CALN1: variants seen among roughly 807,000 people sequenced by gnomAD.
The protein encoded by CALN1 is calcium-binding protein 8.
CALN1 carries 17 observed loss-of-function variants against 30.6 expected under a neutral mutation model. The ratio of observed to expected loss-of-function variants is 0.56; its 90% CI spans 0.38 to 0.83. The LOEUF (loss-of-function observed/expected upper bound fraction) is 0.83. Among genes scored for constraint, CALN1 ranks in the 40% least tolerant of loss-of-function variants. CALN1 has a pLI of 0.00. For missense variants in CALN1, 291 were observed against 354.9 expected, an observed-to-expected ratio of 0.82 and a Z score of 1.45; for synonymous variants, 156 against 131.4, an observed-to-expected ratio of 1.19 and a Z score of -1.28.
intron 5 of CALN1, among the ~76,000 whole-genome samples, chr7:71,964,178 T>C (rs1797411202): frequency 6.6e-6 from 1 of 152,184 alleles, no homozygotes; most frequent in South Asian, 2.1e-4. Flanking sequence ...TGTTCCTTTA[T>C]CCCCCGTCAC....
intron 3 of CALN1, among the ~76,000 whole-genome samples, chr7:72,210,106 G>C (rs1032571877): frequency 6.6e-6 from 1 of 151,970 alleles, no homozygotes. Flanking sequence ...TATGAAGAAG[G>C]ACAACTGCAG....
chr7:72,077,170 G>A (rs1432983666), intron 4 of CALN1, among the ~76,000 whole-genome samples: 4 of 152,152 alleles, frequency 2.6e-5, no homozygotes, highest in Admixed American at 1.3e-4. Context: ...GACTCCATAC[G>A]TATTTGCAAA....
chr7:72,172,612 A>AT (rs1363541827), intron 3 of CALN1, among the ~76,000 whole-genome samples: 1 of 152,250 alleles, frequency 6.6e-6, no homozygotes, highest in Non-Finnish European at 1.5e-5. Flanking sequence ...AGTAGGGTTT[A>AT]TTCCAGGAAT....
intron 2 of CALN1, among the ~76,000 whole-genome samples, chr7:72,357,979 G>T (rs186510153): frequency 0.027 from 4,042 of 150,588 alleles, 112 homozygotes; most frequent in Non-Finnish European, 0.033. Context: ...TAATTTTTTT[G>T]TATTTTTAGT....
At chr7:72,398,873 C>A (rs1343166253) in intron 2 of CALN1, among the ~76,000 whole-genome samples, 1 of 152,226 alleles carries the variant, frequency 6.6e-6, no homozygotes, top group Non-Finnish European at 1.5e-5. Flanking sequence ...TCACACCCAA[C>A]CCTTCCATTA....
At chr7:71,910,916 G>T (rs2116999903) in intron 5 of CALN1, among the ~76,000 whole-genome samples, 1 of 152,212 alleles carries the variant, frequency 6.6e-6, no homozygotes, top group Non-Finnish European at 1.5e-5. Flanking sequence ...GAAAGCAAAA[G>T]CCAAAAAGAA....
At chr7:72,096,821 A>G (rs1806268214) in intron 4 of CALN1, among the ~76,000 whole-genome samples, 1 of 152,232 alleles carries the variant, frequency 6.6e-6, no homozygotes, top group African/African-American at 2.4e-5. Flanking sequence ...ATATACCCAA[A>G]GGATTATAAA....
At chr7:71,984,044 T>C (rs911113669) in intron 5 of CALN1, among the ~76,000 whole-genome samples, 1 of 152,174 alleles carries the variant, frequency 6.6e-6, no homozygotes, top group Non-Finnish European at 1.5e-5. Flanking sequence ...ATCTAAAAAA[T>C]ATATATAAAC....
intron 4 of CALN1, 129 bp downstream of exon 4, chr7:72,106,022 C>A: frequency 7.8e-7 from 1 of 1,282,670 alleles, no homozygotes; most frequent in Non-Finnish European, 1.1e-6. Flanking sequence ...CTGTTCTAGT[C>A]CAAGTTTCTG....
chr7:72,040,599 G>A (rs1203860357), intron 4 of CALN1, among the ~76,000 whole-genome samples: 1 of 152,244 alleles, frequency 6.6e-6, no homozygotes, highest in Admixed American at 6.5e-5. Flanking sequence ...TGGAGACAAG[G>A]CCTTTAAGGA....
At chr7:72,054,436 T>TATATATATAC (rs1803063348) in intron 4 of CALN1, among the ~76,000 whole-genome samples, 2 of 6,896 alleles carry the variant, frequency 2.9e-4, no homozygotes. Flanking sequence ...TATACACGTA[T>TATATATATAC]ATATATATAT....
chr7:72,166,953 A>G (rs1039245925), intron 3 of CALN1, among the ~76,000 whole-genome samples: 1 of 152,058 alleles, frequency 6.6e-6, no homozygotes, highest in African/African-American at 2.4e-5. Context: ...AGAATTGCTT[A>G]AACTGGGAAG....
intron 2 of CALN1, among the ~76,000 whole-genome samples, chr7:72,366,746 C>A (rs1358000824): frequency 2.0e-5 from 3 of 152,102 alleles, no homozygotes; most frequent in East Asian, 1.9e-4. Context: ...AATAGTTTGT[C>A]CATTATGATA....
At chr7:71,994,340 C>A (rs183051194) in intron 5 of CALN1, among the ~76,000 whole-genome samples, 1 of 151,862 alleles carries the variant, frequency 6.6e-6, no homozygotes, top group African/African-American at 2.4e-5. Context: ...GGCAAAACTC[C>A]GTCTCTACTA....
chr7:72,323,682 T>TA (rs1801065824), intron 2 of CALN1, among the ~76,000 whole-genome samples: 1 of 143,560 alleles, frequency 7.0e-6, no homozygotes, highest in Non-Finnish European at 1.5e-5. Flanking sequence ...AAATAAAAAA[T>TA]AAAGAGAACA....
intron 4 of CALN1, among the ~76,000 whole-genome samples, chr7:72,035,872 TACAA>T (rs1801764754): frequency 6.6e-6 from 1 of 152,236 alleles, no homozygotes; most frequent in Non-Finnish European, 1.5e-5. Context: ...AATGTAGAGT[TACAA>T]ACCAATGTTA....
At chr7:72,032,181 C>T (rs1253485751) in intron 4 of CALN1, among the ~76,000 whole-genome samples, 15 of 151,516 alleles carry the variant, frequency 9.9e-5, no homozygotes, top group Non-Finnish European at 2.9e-5. Context: ...GCCTCAGCCT[C>T]CTGAGTAGCT....
intron 2 of CALN1, among the ~76,000 whole-genome samples, chr7:72,376,280 T>C (rs1275514269): frequency 6.6e-6 from 1 of 152,228 alleles, no homozygotes; most frequent in Non-Finnish European, 1.5e-5. Flanking sequence ...TGCTGGATCC[T>C]ATGGTAACTC....
chr7:72,164,048 T>A (rs1788336433), intron 3 of CALN1, among the ~76,000 whole-genome samples: 1 of 152,092 alleles, frequency 6.6e-6, no homozygotes, highest in Non-Finnish European at 1.5e-5. Context: ...TGGACTCTAA[T>A]CCAACAACTG....
Sources: allele counts gnomAD v4.1 joint callset (sites outside exome capture counted in the v4.1 genomes callset), GRCh38; gene constraint gnomAD v4.1.1; transcripts MANE v1.5; gene names NCBI Gene and HGNC (gene_info 2026-07-23, HGNC 2026-07-21).